Variants in CAST observed in about 807,000 individuals in gnomAD.
The protein encoded by CAST is MIR583 host.
In CAST, 76 loss-of-function variants were observed where a neutral mutation model predicts 119.6. The observed-to-expected ratio is 0.64, with a 90% confidence interval of 0.53 to 0.77. CAST has a LOEUF of 0.77. CAST is among the 30% of genes least tolerant of loss of function. The pLI is 0.00. For missense variants in CAST, 953 were observed against 946.5 expected (o/e 1.01, Z -0.09); for synonymous variants, 319 against 331.6 (o/e 0.96, Z 0.41).
the CAST span, among the ~76,000 whole-genome samples, chr5:96,324,748 T>C: frequency 6.6e-6 from 1 of 152,208 alleles, no homozygotes; most frequent in African/African-American, 2.4e-5. Context: ...TGTGTGTTAT[T>C]TGAGAACTCA....
Position 96,766,058 on chromosome 5 carries a change from A to C in CAST, c.2043A>C (p.Lys681Asn). The change falls in exon 27 of 32, where the codon AAA (lysine) becomes AAC (asparagine). Residue 681 changes from lysine (K) to asparagine (N), a missense_variant. Coordinates refer to ENST00000675179, the MANE Select transcript of CAST (RefSeq NM_001750.7). ...NKPMEDKVKEKAKAEHRDKLG... is the reference protein window; with the variant it reads ...NKPMEDKVKENAKAEHRDKLG... ...TCTGCTCACTGTTGATATAGGAAAAAGCTAAAGCTGAACATAGAGACAAGC... is the reference window on the plus strand; with the variant it reads ...TCTGCTCACTGTTGATATAGGAAAACGCTAAAGCTGAACATAGAGACAAGC... The C allele has an allele frequency of 6.3e-7, 1 of 1,590,082 alleles. No homozygotes were observed. The highest frequency in any genetic ancestry group is 1.1e-5 in the South Asian group (1 of 90,056).
At chr5:96,485,737 G>A in the CAST span, among the ~76,000 whole-genome samples, 2 of 152,132 alleles carry the variant, frequency 1.3e-5, no homozygotes, top group Non-Finnish European at 2.9e-5. Flanking sequence ...TTGTTCTGGG[G>A]AGGAAGGGAG....
intron 2 of CAST, among the ~76,000 whole-genome samples, chr5:96,690,305 C>T (rs1681671109): frequency 6.6e-6 from 1 of 152,010 alleles, no homozygotes; most frequent in African/African-American, 2.4e-5. Context: ...GATCTTGGCT[C>T]ACTGCAACCT....
the CAST span, among the ~76,000 whole-genome samples, chr5:96,085,887 T>C: frequency 3.3e-5 from 5 of 152,210 alleles, no homozygotes; most frequent in Admixed American, 3.3e-4. Flanking sequence ...GTCTTTGTGT[T>C]GGCAATGTCT....
the CAST span, among the ~76,000 whole-genome samples, chr5:96,121,574 C>T: frequency 2.6e-5 from 4 of 151,764 alleles, no homozygotes; most frequent in African/African-American, 9.7e-5. Context: ...AGCGTTTTGG[C>T]GGTGAGGCTC....
At chr5:96,635,216 G>A (rs10036002) in intron 1 of CAST, among the ~76,000 whole-genome samples, 24,025 of 152,218 alleles carry the variant, frequency 0.16, 2,938 homozygotes, top group African/African-American at 0.35. Context: ...TTCTTTACCT[G>A]AGAAAGGCAT....
chr5:96,350,333 AGTCACTTATGCCTTCATCTG>A, the CAST span, among the ~76,000 whole-genome samples: 1 of 152,174 alleles, frequency 6.6e-6, no homozygotes, highest in Non-Finnish European at 1.5e-5. Flanking sequence ...GTAGAGGAAT[AGTCACTTATGCCTTCATCTG>A]GCTCCATAAA....
chr5:96,011,263 G>T, the CAST span, among the ~76,000 whole-genome samples: 1 of 152,066 alleles, frequency 6.6e-6, no homozygotes, highest in Non-Finnish European at 1.5e-5. Context: ...GCTATATAAT[G>T]TAATTACCAA....
the CAST span, among the ~76,000 whole-genome samples, chr5:96,209,001 G>T: frequency 6.6e-6 from 1 of 152,002 alleles, no homozygotes; most frequent in Non-Finnish European, 1.5e-5. Flanking sequence ...GAATCTGGGT[G>T]CTCCTGTGTT....
chr5:96,338,322 A>G, the CAST span, among the ~76,000 whole-genome samples: 4 of 152,292 alleles, frequency 2.6e-5, no homozygotes, highest in Admixed American at 1.3e-4. Flanking sequence ...TTAATGCTAT[A>G]TGCTGCCTTA....
At chr5:96,204,419 G>A in the CAST span, among the ~76,000 whole-genome samples, 1 of 152,046 alleles carries the variant, frequency 6.6e-6, no homozygotes, top group Admixed American at 6.6e-5. Context: ...TGACTCTTGG[G>A]TAAGGAGGAC....
At chr5:96,242,652 C>T in the CAST span, among the ~76,000 whole-genome samples, 2 of 152,130 alleles carry the variant, frequency 1.3e-5, no homozygotes, top group African/African-American at 2.4e-5. Context: ...CCAGGTTTCT[C>T]TTTTGTGGAT....
the CAST span, among the ~76,000 whole-genome samples, chr5:96,329,502 C>G: frequency 6.6e-6 from 1 of 152,146 alleles, no homozygotes; most frequent in African/African-American, 2.4e-5. Context: ...CAGGGATCCC[C>G]CCTAGAACAT....
At chr5:95,969,017 C>T in the CAST span, among the ~76,000 whole-genome samples, 1 of 152,142 alleles carries the variant, frequency 6.6e-6, no homozygotes, top group South Asian at 2.1e-4. Context: ...AGAGTTAGCA[C>T]TGGAATGTCA....
chr5:96,716,658 A>G (rs1390784493), intron 3 of CAST, among the ~76,000 whole-genome samples: 1 of 152,080 alleles, frequency 6.6e-6, no homozygotes, highest in Non-Finnish European at 1.5e-5. Flanking sequence ...AATATTTGAG[A>G]TGTGTTATTA....
At chr5:96,215,944 A>T in the CAST span, among the ~76,000 whole-genome samples, 1 of 151,922 alleles carries the variant, frequency 6.6e-6, no homozygotes, top group African/African-American at 2.4e-5. Context: ...TGTAGCTGGG[A>T]CTACAGGCAC....
At chr5:96,401,458 T>C in the CAST span, among the ~76,000 whole-genome samples, 2 of 152,232 alleles carry the variant, frequency 1.3e-5, no homozygotes, top group African/African-American at 4.8e-5. Context: ...GAGCTTATAC[T>C]TTATCTTTTG....
At chr5:96,717,362 G>A (rs1294422006) in intron 3 of CAST, among the ~76,000 whole-genome samples, 1 of 152,154 alleles carries the variant, frequency 6.6e-6, no homozygotes, top group Non-Finnish European at 1.5e-5. Context: ...ATGGGACTTG[G>A]GCAGGGAAGA....
chr5:96,466,808 A>T, the CAST span, among the ~76,000 whole-genome samples: 2 of 152,166 alleles, frequency 1.3e-5, no homozygotes, highest in Admixed American at 1.3e-4. Flanking sequence ...CAATGGAATA[A>T]TGAATAACCT....
Sources: allele counts gnomAD v4.1 joint callset (sites outside exome capture counted in the v4.1 genomes callset), GRCh38; gene constraint gnomAD v4.1.1; transcripts MANE v1.5; gene names NCBI Gene and HGNC (gene_info 2026-07-23, HGNC 2026-07-21).